CAST: variants seen among roughly 807,000 people sequenced by gnomAD.
CAST encodes MIR583 host.
A neutral mutation model predicts 119.6 loss-of-function variants in CAST; 76 were observed. The observed-to-expected ratio is 0.64, with a 90% CI of 0.53 to 0.77. The LOEUF (loss-of-function observed/expected upper bound fraction) is 0.77, where lower values mean the gene tolerates loss of function less well. Ranked by LOEUF, CAST falls within the 30% of genes least tolerant of loss-of-function variation. The pLI, the probability that CAST is intolerant of heterozygous loss-of-function variation, is 0.00. For synonymous variants in CAST, 319 were observed against 331.6 expected, an observed-to-expected ratio of 0.96 and a Z score of 0.41; for missense variants, 953 against 946.5, an observed-to-expected ratio of 1.01 and a Z score of -0.09.
the CAST span, among the ~76,000 whole-genome samples, chr5:95,975,193 G>T: frequency 2.0e-5 from 3 of 152,228 alleles, no homozygotes; most frequent in Admixed American, 2.0e-4. Context: ...GCTAAGAAGT[G>T]CTGGTTTCCT....
At chr5:96,099,216 C>A in the CAST span, among the ~76,000 whole-genome samples, 1 of 152,060 alleles carries the variant, frequency 6.6e-6, no homozygotes, top group African/African-American at 2.4e-5. Context: ...GTTTAAGAAG[C>A]TTTTGGGCTG....
At chr5:96,588,438 G>T (rs1280229944) in intron 1 of CAST, among the ~76,000 whole-genome samples, 1 of 151,998 alleles carries the variant, frequency 6.6e-6, no homozygotes, top group East Asian at 1.9e-4. Context: ...TTGACCTCAT[G>T]ATCTGCCTGC....
intron 2 of CAST, among the ~76,000 whole-genome samples, chr5:96,693,003 C>G (rs963957412): frequency 9.2e-5 from 14 of 152,184 alleles, no homozygotes; most frequent in African/African-American, 3.4e-4. Flanking sequence ...ACTCTGATTA[C>G]CAATCTGAAA....
At chr5:95,965,726 A>G in the CAST span, among the ~76,000 whole-genome samples, 1 of 152,236 alleles carries the variant, frequency 6.6e-6, no homozygotes, top group African/African-American at 2.4e-5. Flanking sequence ...TCTAAAATGT[A>G]CTAAATTTCC....
chr5:96,187,381 T>C, the CAST span, among the ~76,000 whole-genome samples: 1 of 152,174 alleles, frequency 6.6e-6, no homozygotes, highest in Non-Finnish European at 1.5e-5. Flanking sequence ...TCTTATCTTC[T>C]ATAGCTTCAG....
At chr5:96,210,987 A>G in the CAST span, among the ~76,000 whole-genome samples, 1 of 152,018 alleles carries the variant, frequency 6.6e-6, no homozygotes, top group Non-Finnish European at 1.5e-5. Flanking sequence ...TAGTATAATG[A>G]AATAGAATCC....
chr5:96,616,516 T>A (rs879578750), intron 1 of CAST, among the ~76,000 whole-genome samples: 2 of 152,154 alleles, frequency 1.3e-5, no homozygotes, highest in African/African-American at 4.8e-5. Context: ...GTATTGCTAA[T>A]TAACTTGCAT....
At chr5:96,193,742 G>A in the CAST span, among the ~76,000 whole-genome samples, 1 of 152,112 alleles carries the variant, frequency 6.6e-6, no homozygotes, top group Non-Finnish European at 1.5e-5. Context: ...TAGATCGTTT[G>A]GATTGGTCCA....
intron 1 of CAST, among the ~76,000 whole-genome samples, chr5:96,591,624 C>A (rs961777450): frequency 1.3e-5 from 2 of 152,106 alleles, no homozygotes; most frequent in East Asian, 3.8e-4. Flanking sequence ...AGGAAGAGAG[C>A]TAATTTATAA....
chr5:96,274,614 C>T, the CAST span, among the ~76,000 whole-genome samples: 6 of 152,246 alleles, frequency 3.9e-5, no homozygotes, highest in Admixed American at 2.0e-4. Flanking sequence ...ATTTTGTGTG[C>T]GTGTCTACAT....
At chr5:95,963,539 A>G in the CAST span, among the ~76,000 whole-genome samples, 1 of 152,236 alleles carries the variant, frequency 6.6e-6, no homozygotes, top group Non-Finnish European at 1.5e-5. Context: ...TCTTAAATTC[A>G]TGTAGTAGAG....
chr5:96,438,021 T>C, the CAST span, among the ~76,000 whole-genome samples: 1 of 152,208 alleles, frequency 6.6e-6, no homozygotes, highest in Non-Finnish European at 1.5e-5. Flanking sequence ...CAATTCATAC[T>C]TCGAAGGCAG....
chr5:96,318,517 C>T, the CAST span: 1 of 152,172 alleles, frequency 6.6e-6, no homozygotes, highest in Non-Finnish European at 1.5e-5. Flanking sequence ...TTCAGCACTC[C>T]ATGAAGGCTT....
chr5:96,268,934 G>A, the CAST span, among the ~76,000 whole-genome samples: 6 of 152,166 alleles, frequency 3.9e-5, no homozygotes, highest in African/African-American at 1.4e-4. Context: ...TCTCGTGAGA[G>A]TGAGTGAGTT....
chr5:96,488,338 G>T, the CAST span, among the ~76,000 whole-genome samples: 1 of 151,892 alleles, frequency 6.6e-6, no homozygotes, highest in Admixed American at 6.6e-5. Context: ...AGCATTTAAT[G>T]ATATCCAGAA....
intron 2 of CAST, among the ~76,000 whole-genome samples, chr5:96,691,760 T>G (rs1752750827): frequency 6.6e-6 from 1 of 152,246 alleles, no homozygotes; most frequent in Non-Finnish European, 1.5e-5. Context: ...ATAGCTGGCA[T>G]TTGGTGGAAC....
the CAST span, among the ~76,000 whole-genome samples, chr5:96,048,241 T>C: frequency 2.0e-5 from 3 of 152,262 alleles, no homozygotes; most frequent in African/African-American, 7.2e-5. Context: ...TTTGCAAATA[T>C]AACTAGCTCC....
At position 96,762,338 on chromosome 5, in the gene CAST, C is replaced by T. The variant is rs201451322; in HGVS notation, c.1898C>T (p.Thr633Met). 83 of 1,606,320 alleles carry T rather than the reference C, an allele frequency of 5.2e-5. No individual in the cohort carries two copies. The highest frequency in any genetic ancestry group is 6.2e-5 in the Non-Finnish European group (73 of 1,177,274). Residue 633 changes from threonine to methionine, a missense_variant, in exon 25 of 32, where the codon ACG becomes ATG. Coordinates refer to ENST00000675179, the MANE Select transcript of CAST (RefSeq NM_001750.7). Reference protein sequence around the residue: ...SEVVSQTPASTTQAGAPPRDT... With the variant: ...SEVVSQTPASMTQAGAPPRDT... The stretch of plus-strand genomic sequence containing the variant: ...GTGGTTTCCCAAACCCCAGCTTCAA[C>T]GACCCAAGCTGGAGCCCCACCCCGT...
At chr5:96,464,542 C>G in the CAST span, among the ~76,000 whole-genome samples, 1 of 152,048 alleles carries the variant, frequency 6.6e-6, no homozygotes, top group Non-Finnish European at 1.5e-5. Context: ...GAGCATTTAG[C>G]CAAAATACCA....
Sources: allele counts gnomAD v4.1 joint callset (sites outside exome capture counted in the v4.1 genomes callset), GRCh38; gene constraint gnomAD v4.1.1; transcripts MANE v1.5; gene names NCBI Gene and HGNC (gene_info 2026-07-23, HGNC 2026-07-21).